CPAMD8: variants seen among roughly 807,000 people sequenced by gnomAD.
The protein encoded by CPAMD8 is C3 and PZP-like alpha-2-macroglobulin domain-containing protein 8.
CPAMD8 carries 146 observed loss-of-function variants against 224.7 expected under a neutral mutation model. That is an observed-to-expected ratio of 0.65 (90% CI 0.57 to 0.75). The LOEUF (loss-of-function observed/expected upper bound fraction) is 0.75, where lower values mean the gene tolerates loss of function less well. Ranked by LOEUF, CPAMD8 falls within the 30% of genes least tolerant of loss-of-function variation. The probability of loss-of-function intolerance (pLI) is 0.00; values close to 1 mark genes in which losing one functional copy is unlikely to be tolerated. For synonymous variants in CPAMD8, 966 were observed against 1,044.6 expected (o/e 0.92, Z 1.45); for missense variants, 2,301 against 2,537.5 (o/e 0.91, Z 2.00).
At chr19:16,989,871 C>A in intron 12 of CPAMD8, 100 bp from the exon 13 acceptor site, 1 of 1,142,254 alleles carries the variant, frequency 8.8e-7, no homozygotes, top group Non-Finnish European at 1.3e-6. Context: ...AACACCCTCT[C>A]ATGCTCCAAT....
At chr19:16,950,911 G>A (rs765752482) in intron 20 of CPAMD8, among the ~76,000 whole-genome samples, 3 of 151,310 alleles carry the variant, frequency 2.0e-5, no homozygotes, top group Admixed American at 1.3e-4. Context: ...ACTTCTTCTC[G>A]TGAACTGTGG....
At chr19:17,005,405 C>T (rs2056459784) in intron 7 of CPAMD8, among the ~76,000 whole-genome samples, 1 of 149,146 alleles carries the variant, frequency 6.7e-6, no homozygotes, top group South Asian at 2.1e-4. Flanking sequence ...ATGAGAACCA[C>T]CCCCCAACTG....
chr19:16,904,176 A>AGCGCCC, intron 32 of CPAMD8, 50 bp downstream of exon 32: 2 of 937,338 alleles, frequency 2.1e-6, no homozygotes, highest in Non-Finnish European at 3.3e-6. Context: ...GACTGCAGGG[A>AGCGCCC]CCCCACCCAC....
intron 26 of CPAMD8, among the ~76,000 whole-genome samples, chr19:16,924,502 C>G (rs935308704): frequency 3.9e-5 from 6 of 152,182 alleles, no homozygotes; most frequent in Admixed American, 3.3e-4. Context: ...GTGGACTTGG[C>G]CTTCCTAGCT....
chr19:16,907,051 G>A lies in CPAMD8; in HGVS notation c.3928C>T (p.Pro1310Ser). The change falls in exon 30 of 42, where the codon CCT (proline) becomes TCT (serine). Residue 1310 changes from proline (P) to serine (S), a missense_variant. Pro to Ser is a moderately conservative substitution (Grantham distance 74). Around this residue, in one of 4 missense-constraint regions of CPAMD8, gnomAD observed 1,709 missense variants for 1,753.2 expected, o/e 0.97. Coordinates refer to ENST00000443236, the MANE Select transcript of CPAMD8 (RefSeq NM_015692.5). The stretch of plus-strand genomic sequence containing the variant: ...TAGGTAGTCAGGGCACAGCTATAAG[G>A]GTCCATGGCCAGGGGCGCAGCAGAC... ...LESAAPLAMD[P>S]YSCALTTYAL... 1.9e-6 allele frequency: 3 copies of A among 1,607,076 alleles called. No individual in the cohort carries two copies. Among genetic ancestry groups the A allele is most frequent in the African/African-American group, 1.3e-5 (1 of 74,788 alleles).
At chr19:16,924,237 G>GTT (rs1392434982) in intron 26 of CPAMD8, among the ~76,000 whole-genome samples, 1 of 151,336 alleles carries the variant, frequency 6.6e-6, no homozygotes, top group Non-Finnish European at 1.5e-5. Context: ...GGCAGTTTTA[G>GTT]GAAATGAACA....
At chr19:16,952,304 C>T (rs1379816224) in intron 19 of CPAMD8, 104 bp from the exon 20 acceptor site, 1 of 680,618 alleles carries the variant, frequency 1.5e-6, no homozygotes, top group Non-Finnish European at 2.6e-6. Flanking sequence ...CAGAGAGGCA[C>T]CCTAGGAGCT....
intron 18 of CPAMD8, among the ~76,000 whole-genome samples, chr19:16,964,580 G>A (rs2054763340): frequency 6.6e-6 from 1 of 152,160 alleles, no homozygotes; most frequent in Non-Finnish European, 1.5e-5. Context: ...TCCAGGACCA[G>A]AAGGATTCAC....
At chr19:16,968,923 C>G (rs1433456809) in intron 18 of CPAMD8, among the ~76,000 whole-genome samples, 2 of 152,132 alleles carry the variant, frequency 1.3e-5, no homozygotes, top group African/African-American at 2.4e-5. Flanking sequence ...CAGGCATGAG[C>G]CACTGTGCCC....
At chr19:16,961,370 C>G (rs1468351714) in intron 18 of CPAMD8, among the ~76,000 whole-genome samples, 3 of 152,266 alleles carry the variant, frequency 2.0e-5, no homozygotes, top group African/African-American at 7.2e-5. Context: ...CTCTCCCATG[C>G]CTGGCTGGGC....
intron 26 of CPAMD8, among the ~76,000 whole-genome samples, chr19:16,922,213 G>A (rs1218493243): frequency 6.6e-6 from 1 of 151,926 alleles, no homozygotes; most frequent in African/African-American, 2.4e-5. Context: ...TCTTGAAACT[G>A]CTTTATACCA....
Position 17,014,638 on chromosome 19 carries a change from C to T in CPAMD8, c.268-2881G>A, listed in dbSNP as rs1258115611. ...CAGGCAAGAGAGAATGAGAGCCAAG[C>T]AAAAAGGGGTTTCCCCTTATAAAAT... On this transcript the variant is annotated intron_variant, in intron 3 of 41. Transcript: ENST00000443236. Among the ~76,000 whole-genome samples, 2 of 151,442 alleles carry T rather than the reference C, an allele frequency of 1.3e-5. 1 individual carries two copies. Among genetic ancestry groups the T allele is most frequent in the South Asian group, 4.2e-4 (2 of 4,812 alleles).
At chr19:16,974,945 A>G in intron 17 of CPAMD8, 152 bp downstream of exon 17, 10 of 1,052,220 alleles carry the variant, frequency 9.5e-6, no homozygotes, top group Non-Finnish European at 1.3e-5. Context: ...ACTGCACTCC[A>G]GCCTGGGCCA....
At chr19:16,940,683 G>C (rs2053858418) in intron 22 of CPAMD8, among the ~76,000 whole-genome samples, 1 of 152,178 alleles carries the variant, frequency 6.6e-6, no homozygotes, top group Non-Finnish European at 1.5e-5. Flanking sequence ...AAAGTTCCCA[G>C]GGTTGGTGCT....
intron 13 of CPAMD8, among the ~76,000 whole-genome samples, chr19:16,985,366 G>GGATGGATGGATGGATGGAT (rs1568564010): frequency 5.6e-5 from 4 of 71,122 alleles, no homozygotes; most frequent in African/African-American, 4.2e-4. Context: ...GATGGATGGA[G>GGATGGATGGATGGATGGAT]GGTAGATAAA....
At chr19:16,938,329 G>A in intron 23 of CPAMD8, 66 bp downstream of exon 23, 1 of 827,754 alleles carries the variant, frequency 1.2e-6, no homozygotes, top group Non-Finnish European at 1.9e-6. Flanking sequence ...GTGGGAAAGG[G>A]GGAAGGCCAA....
At chr19:17,011,026 A>T (rs2056630512) in intron 5 of CPAMD8, among the ~76,000 whole-genome samples, 1 of 150,066 alleles carries the variant, frequency 6.7e-6, no homozygotes, top group Admixed American at 6.6e-5. Context: ...CCATCTCAAA[A>T]AAAAAACAGA....
At chr19:16,977,272 C>A in intron 15 of CPAMD8, 96 bp downstream of exon 15, 1 of 743,224 alleles carries the variant, frequency 1.3e-6, no homozygotes, top group Admixed American at 2.4e-5. Context: ...TGCGACACAA[C>A]ATGAGTCTCA....
chr19:16,896,439 G>C lies in CPAMD8; in HGVS notation c.5275+17C>G, dbSNP rs961615305. 1.4e-6 allele frequency: 2 copies of C among 1,464,680 alleles called. No homozygotes were observed. Among genetic ancestry groups the C allele is most frequent in the South Asian group, 1.4e-5 (1 of 72,390 alleles). 90.7% of individuals were successfully genotyped at this position (1,464,680 alleles called of 1,614,324 possible). On this transcript the variant is annotated intron_variant, in intron 40 of 41. Transcript: ENST00000443236. ...GCGATGGTGTCCCCGAGGCTAGGCGGGGGGTAGGGTCCTCACCGAGGGCGC... is the reference window on the plus strand; with the variant it reads ...GCGATGGTGTCCCCGAGGCTAGGCGCGGGGTAGGGTCCTCACCGAGGGCGC...
Sources: gnomAD v4.1 joint callset for allele counts (sites outside exome capture counted in the v4.1 genomes callset) on GRCh38, gnomAD v4.1.1 for gene constraint, gnomAD v4.1.1 regional missense constraint, MANE v1.5 for transcripts, NCBI Gene and HGNC (gene_info 2026-07-23, HGNC 2026-07-21) for gene names.